ANXA10: variants seen among roughly 807,000 people sequenced by gnomAD.
ANXA10 encodes annexin 14.
In ANXA10, 49 loss-of-function variants were observed where a neutral mutation model predicts 53.5. That is an observed-to-expected ratio of 0.92 (90% confidence interval 0.73 to 1.16). The LOEUF (loss-of-function observed/expected upper bound fraction) is 1.16, where lower values mean the gene tolerates loss of function less well. Among genes scored for constraint, ANXA10 ranks in the 50% most tolerant of loss-of-function variants. The pLI is 0.00. For missense variants in ANXA10, 393 were observed against 394.4 expected (o/e 1.00, Z 0.03); for synonymous variants, 131 against 128.9 (o/e 1.02, Z -0.11).
chr4:168,177,965 T>G lies in ANXA10; in HGVS notation c.610T>G (p.Tyr204Asp), dbSNP rs368818003. 6.8e-6 allele frequency: 11 copies of G among 1,613,646 alleles called. No individual in the cohort carries two copies. The highest frequency in any genetic ancestry group is 9.3e-6 in the Non-Finnish European group (11 of 1,179,998). Residue 204 changes from tyrosine (Y) to aspartate (D), a missense_variant, in exon 8 of 12, where the codon TAC becomes GAC. Physicochemically the swap from Tyr to Asp is radical, Grantham distance 160. Coordinates refer to ENST00000359299, the MANE Select transcript of ANXA10 (RefSeq NM_007193.5). ...MLQMILCNKS[Y>D]QQLRLVFQEF... Reference sequence around the variant, plus strand: ...GCAAATGATCCTGTGCAACAAGAGCTACCAGCAGCTGCGGCTGGGTAATTA... The same window carrying G: ...GCAAATGATCCTGTGCAACAAGAGCGACCAGCAGCTGCGGCTGGGTAATTA...
At chr4:168,178,060 A>T (rs1203476259) in intron 8 of ANXA10, 77 bp downstream of exon 8, 2 of 1,345,182 alleles carry the variant, frequency 1.5e-6, no homozygotes, top group Admixed American at 3.7e-5. Flanking sequence ...TAGAAACAAA[A>T]ATGAAATATT....
At chr4:168,159,744 A>G (rs1175324097) in intron 3 of ANXA10, among the ~76,000 whole-genome samples, 1 of 152,128 alleles carries the variant, frequency 6.6e-6, no homozygotes, top group Non-Finnish European at 1.5e-5. Context: ...TACACTTCCA[A>G]TATTGGTATT....
At chr4:168,168,242 T>C (rs891864460) in intron 6 of ANXA10, among the ~76,000 whole-genome samples, 12 of 152,150 alleles carry the variant, frequency 7.9e-5, no homozygotes, top group Admixed American at 7.9e-4. Context: ...AGAAAGAGAA[T>C]AGAGGTTTCT....
chr4:168,160,612 T>G (rs1731765965), intron 3 of ANXA10, among the ~76,000 whole-genome samples: 3 of 152,170 alleles, frequency 2.0e-5, no homozygotes, highest in Admixed American at 2.0e-4. Context: ...ATAGTATTTC[T>G]GCCTCTAGGT....
At chr4:168,171,937 A>ATGAC in intron 6 of ANXA10, among the ~76,000 whole-genome samples, 1 of 152,318 alleles carries the variant, frequency 6.6e-6, no homozygotes, top group East Asian at 1.9e-4. Flanking sequence ...GAATTCTCTT[A>ATGAC]TGACAGTTTC....
chr4:168,112,965 G>A (rs1372060979), intron 1 of ANXA10, among the ~76,000 whole-genome samples: 1 of 151,998 alleles, frequency 6.6e-6, no homozygotes, highest in Non-Finnish European at 1.5e-5. Flanking sequence ...AAAGGTTGCA[G>A]TGAGCCAAGA....
chr4:168,148,989 C>T (rs906975823), intron 3 of ANXA10, among the ~76,000 whole-genome samples: 1 of 151,846 alleles, frequency 6.6e-6, no homozygotes, highest in African/African-American at 2.4e-5. Context: ...TGGCCCTTAT[C>T]GACACTTCTG....
intron 3 of ANXA10, among the ~76,000 whole-genome samples, chr4:168,143,829 G>C (rs890229527): frequency 6.6e-6 from 1 of 152,118 alleles, no homozygotes; most frequent in Non-Finnish European, 1.5e-5. Flanking sequence ...CTTCAACCAA[G>C]GTCATCTGAC....
chr4:168,169,082 G>T (rs1731934430), intron 6 of ANXA10, among the ~76,000 whole-genome samples: 1 of 152,024 alleles, frequency 6.6e-6, no homozygotes, highest in Non-Finnish European at 1.5e-5. Context: ...TGAAGCGTCT[G>T]GTAAAATGTA....
intron 1 of ANXA10, among the ~76,000 whole-genome samples, chr4:168,119,926 T>C (rs1333450083): frequency 6.6e-6 from 1 of 152,138 alleles, no homozygotes; most frequent in Non-Finnish European, 1.5e-5. Context: ...GCTTCTTCTT[T>C]GCCACTAAGT....
rs552504529 is a variant in ANXA10 at position 168,169,488 on chromosome 4, C to T, written c.480+4162C>T. Among the ~76,000 whole-genome samples the T allele has an allele frequency of 1.2e-4, 19 of 152,294 alleles. No individual in the cohort carries two copies. In the South Asian group the frequency reaches 3.7e-3, roughly 30 times the overall value. On this transcript the variant is annotated intron_variant, in intron 6 of 11. Coordinates refer to ENST00000359299, the MANE Select transcript of ANXA10 (RefSeq NM_007193.5). ...CATTAGGACTGCATCACAGCCAAATCCTGCTTCTGTTCCCTCCCTCCCATA... is the reference window on the plus strand; with the variant it reads ...CATTAGGACTGCATCACAGCCAAATTCTGCTTCTGTTCCCTCCCTCCCATA...
chr4:168,183,939 C>A (rs1016447496), intron 10 of ANXA10, among the ~76,000 whole-genome samples: 15 of 152,200 alleles, frequency 9.9e-5, no homozygotes, highest in African/African-American at 3.4e-4. Context: ...CAATTTGAAA[C>A]TGATTTGTTA....
chr4:168,153,966 A>G (rs1288945669), intron 3 of ANXA10, among the ~76,000 whole-genome samples: 2 of 144,112 alleles, frequency 1.4e-5, no homozygotes, highest in Non-Finnish European at 3.0e-5. Flanking sequence ...AGTTCACTGT[A>G]ACTATAGCTA....
At chr4:168,184,820 C>A in intron 11 of ANXA10, 139 bp downstream of exon 11, 1 of 1,145,912 alleles carries the variant, frequency 8.7e-7, no homozygotes, top group Non-Finnish European at 1.2e-6. Context: ...TTTTTTTCCT[C>A]TACACAGTCT....
chr4:168,184,137 G>GA (rs1489968487), intron 10 of ANXA10, among the ~76,000 whole-genome samples: 1 of 152,140 alleles, frequency 6.6e-6, no homozygotes, highest in Non-Finnish European at 1.5e-5. Flanking sequence ...ACAGAGCTGA[G>GA]AATGTCTTCC....
At chr4:168,095,505 A>G (rs1236851857) in intron 1 of ANXA10, among the ~76,000 whole-genome samples, 1 of 152,046 alleles carries the variant, frequency 6.6e-6, no homozygotes, top group South Asian at 2.1e-4. Context: ...TATTATACAA[A>G]CATATAGAAA....
At position 168,139,594 on chromosome 4, in the gene ANXA10, A is replaced by T. The variant is rs1731295405; in HGVS notation, c.195+14A>T. The T allele has an allele frequency of 6.3e-7, 1 of 1,595,032 alleles. No homozygotes were observed. Among genetic ancestry groups the T allele is most frequent in the South Asian group, 1.1e-5 (1 of 90,138 alleles). On this transcript the variant is annotated intron_variant, in intron 3 of 11. Coordinates refer to ENST00000359299, the MANE Select transcript of ANXA10 (RefSeq NM_007193.5). ...ATGTATGGCCGGGTAAGGCCACTTT[A>T]TCTTGACCTATTTCTAGGGCAATCT...
At chr4:168,126,255 CA>C (rs1199987919) in intron 1 of ANXA10, among the ~76,000 whole-genome samples, 2 of 151,968 alleles carry the variant, frequency 1.3e-5, no homozygotes, top group African/African-American at 2.4e-5. Flanking sequence ...AAATGTGTCT[CA>C]AAAAAATTAG....
chr4:168,112,147 T>G (rs951096377), intron 1 of ANXA10, among the ~76,000 whole-genome samples: 2 of 151,930 alleles, frequency 1.3e-5, no homozygotes, highest in African/African-American at 4.8e-5. Context: ...CACACAAAAA[T>G]TAGCCGGGCG....
Sources: gnomAD v4.1 joint callset for allele counts (sites outside exome capture counted in the v4.1 genomes callset) on GRCh38, gnomAD v4.1.1 for gene constraint, MANE v1.5 for transcripts, NCBI Gene and HGNC (gene_info 2026-07-23, HGNC 2026-07-21) for gene names.